Variants in AK8 observed in about 807,000 individuals in gnomAD.
The protein encoded by AK8 is ATP-AMP transphosphorylase 8.
Under a neutral mutation model 54.6 loss-of-function variants are expected in AK8, and 44 were observed. The ratio of observed to expected loss-of-function variants is 0.81; its 90% CI spans 0.63 to 1.04. The LOEUF (loss-of-function observed/expected upper bound fraction) is 1.04. AK8 is among the 50% of genes least tolerant of loss of function. The probability of loss-of-function intolerance (pLI) is 0.00; values close to 1 mark genes in which losing one functional copy is unlikely to be tolerated. For synonymous variants in AK8, 239 were observed against 245.6 expected, an observed-to-expected ratio of 0.97 and a Z score of 0.25; for missense variants, 555 against 613.6, an observed-to-expected ratio of 0.90 and a Z score of 1.01.
At chr9:132,809,686 G>A (rs1038252248) in intron 10 of AK8, among the ~76,000 whole-genome samples, 1 of 152,212 alleles carries the variant, frequency 6.6e-6, no homozygotes, top group African/African-American at 2.4e-5. Context: ...TATGCTCTCA[G>A]CAAACTCTGA....
chr9:132,867,349 T>C (rs1843644428), intron 2 of AK8, among the ~76,000 whole-genome samples: 1 of 152,226 alleles, frequency 6.6e-6, no homozygotes. Flanking sequence ...TTTATGCCGT[T>C]TTATTTAGCA....
At chr9:132,872,480 TAG>T (rs1349390801) in intron 2 of AK8, among the ~76,000 whole-genome samples, 3 of 152,162 alleles carry the variant, frequency 2.0e-5, no homozygotes, top group Non-Finnish European at 4.4e-5. Context: ...TTTTTTTAGA[TAG>T]AGTCTTACTA....
At chr9:132,861,705 T>C (rs1205243769) in intron 4 of AK8, 8 of 152,230 alleles carry the variant, frequency 5.3e-5, no homozygotes, top group Non-Finnish European at 1.2e-4. Context: ...GTATCATTAC[T>C]ACTTGCAAAA....
intron 7 of AK8, 80 bp from the exon 8 acceptor site, chr9:132,827,134 C>T: frequency 3.4e-6 from 5 of 1,476,100 alleles, no homozygotes; most frequent in South Asian, 1.2e-5. Flanking sequence ...GGGGTGCTTG[C>T]TGTCCTGGAG....
At chr9:132,875,650 C>T (rs1844062705) in intron 1 of AK8, among the ~76,000 whole-genome samples, 1 of 152,224 alleles carries the variant, frequency 6.6e-6, no homozygotes, top group Non-Finnish European at 1.5e-5. Flanking sequence ...TGAGTATGTG[C>T]ACTACGTAAA....
intron 3 of AK8, among the ~76,000 whole-genome samples, chr9:132,865,802 A>G (rs1307614763): frequency 1.3e-5 from 2 of 149,052 alleles, no homozygotes; most frequent in African/African-American, 2.5e-5. Context: ...ACAGAGGGAG[A>G]CTCTGTCTCA....
intron 10 of AK8, among the ~76,000 whole-genome samples, chr9:132,801,256 G>A (rs1840443787): frequency 6.6e-6 from 1 of 152,174 alleles, no homozygotes; most frequent in Non-Finnish European, 1.5e-5. Context: ...GAAGTTTTAG[G>A]TGACAAAAGA....
At chr9:132,754,821 C>G (rs1489502889) in intron 11 of AK8, among the ~76,000 whole-genome samples, 3 of 142,260 alleles carry the variant, frequency 2.1e-5, no homozygotes, top group Non-Finnish European at 4.5e-5. Context: ...TTTTTTGAGA[C>G]AGAGTTTTGC....
chr9:132,770,529 G>A lies in AK8; in HGVS notation c.1121+22105C>T, dbSNP rs983658874. 2.0e-5 allele frequency among the ~76,000 whole-genome samples: 3 copies of A among 152,180 alleles called. No individual in the cohort carries two copies. Among genetic ancestry groups the A allele is most frequent in the Non-Finnish European group, 2.9e-5 (2 of 68,026 alleles). ...GCGGGGGATGCCCCTCGCCCTGCAC[G>A]CGCGCCCTGCCCCTGGCTGTAACCT... On this transcript the variant is annotated intron_variant, in intron 11 of 12. Transcript: ENST00000298545. The surrounding 1 kb of genome is among the most constrained non-coding windows in gnomAD (Gnocchi z 4.3).
At chr9:132,833,071 C>T (rs908419016) in intron 5 of AK8, among the ~76,000 whole-genome samples, 5 of 152,210 alleles carry the variant, frequency 3.3e-5, no homozygotes, top group South Asian at 2.1e-4. Flanking sequence ...TTCCTCTCTG[C>T]GCCAGCCCAC....
intron 10 of AK8, among the ~76,000 whole-genome samples, chr9:132,805,173 C>G (rs1376052104): frequency 6.6e-6 from 1 of 152,178 alleles, no homozygotes; most frequent in Non-Finnish European, 1.5e-5. Flanking sequence ...TCTCTGAAGC[C>G]GCTGGGGCTG....
chr9:132,756,160 C>T (rs1355001739), intron 11 of AK8, among the ~76,000 whole-genome samples: 2 of 152,232 alleles, frequency 1.3e-5, no homozygotes, highest in Non-Finnish European at 2.9e-5. Context: ...TTTGTCCAGA[C>T]TCTTCCTGGT....
intron 11 of AK8, among the ~76,000 whole-genome samples, chr9:132,765,663 A>G (rs1294920139): frequency 1.3e-5 from 2 of 152,192 alleles, no homozygotes; most frequent in African/African-American, 4.8e-5. Context: ...CTCAACGAAC[A>G]ATGTATAGAA....
chr9:132,806,341 A>G (rs1214908416), intron 10 of AK8, among the ~76,000 whole-genome samples: 1 of 152,096 alleles, frequency 6.6e-6, no homozygotes, highest in Admixed American at 6.5e-5. Context: ...CTGTTCCCCC[A>G]AGCACTGTAC....
In AK8 at chr9:132,792,698, G is replaced by A. The variant is rs571914245; in HGVS notation, c.1057C>T (p.His353Tyr). ...QDCIQKGWVL[H>Y]GVPRDLDQAH... Reference sequence around the variant, plus strand: ...TGGTCGAGGTCCCGCGGGACGCCGTGTAGCACCCAGCCTTTCTGGATGCAG... The same window carrying A: ...TGGTCGAGGTCCCGCGGGACGCCGTATAGCACCCAGCCTTTCTGGATGCAG... Residue 353 changes from histidine (H) to tyrosine (Y), a missense_variant, in exon 11 of 13, where the codon CAC becomes TAC. His to Tyr is a moderately conservative substitution (Grantham distance 83). Coordinates refer to ENST00000298545, the MANE Select transcript of AK8 (RefSeq NM_152572.3). The A allele has an allele frequency of 6.9e-5, 108 of 1,556,696 alleles. No individual in the cohort carries two copies. The East Asian group carries it at 2.5e-3, about 36-fold the overall frequency.
At chr9:132,732,892 T>G (rs1836917741) in intron 11 of AK8, among the ~76,000 whole-genome samples, 1 of 152,158 alleles carries the variant, frequency 6.6e-6, no homozygotes, top group Non-Finnish European at 1.5e-5. Context: ...TGCCACTTGC[T>G]TCTAGAAAAT....
intron 11 of AK8, among the ~76,000 whole-genome samples, chr9:132,776,453 G>C (rs1328818819): frequency 6.6e-6 from 1 of 152,246 alleles, no homozygotes; most frequent in Admixed American, 6.5e-5. Context: ...GTTGGTCAGA[G>C]TGTGCTGATG....
At chr9:132,787,778 C>T (rs1417089212) in intron 11 of AK8, among the ~76,000 whole-genome samples, 2 of 152,130 alleles carry the variant, frequency 1.3e-5, no homozygotes, top group Non-Finnish European at 2.9e-5. Flanking sequence ...CAATTTAGAA[C>T]ACATGTGTTT....
chr9:132,774,022 C>G (rs894466229), intron 11 of AK8, among the ~76,000 whole-genome samples: 4 of 152,118 alleles, frequency 2.6e-5, no homozygotes, highest in African/African-American at 9.7e-5. Context: ...TGGGGCCCCC[C>G]TCTTCCCTTG....
Sources: allele counts gnomAD v4.1 joint callset (sites outside exome capture counted in the v4.1 genomes callset), GRCh38; gene constraint gnomAD v4.1.1; non-coding constraint Gnocchi (gnomAD v3.1); transcripts MANE v1.5; gene names NCBI Gene and HGNC (gene_info 2026-07-23, HGNC 2026-07-21).